Variants in TNFAIP8L3 observed in about 807,000 individuals in gnomAD.
TNFAIP8L3 encodes tumor necrosis factor alpha-induced protein 8-like protein 3.
A neutral mutation model predicts 11.8 loss-of-function variants in TNFAIP8L3; 7 were observed. The ratio of observed to expected loss-of-function variants is 0.59; its 90% CI spans 0.34 to 1.11. The LOEUF (loss-of-function observed/expected upper bound fraction) is 1.11, where lower values mean the gene tolerates loss of function less well. Ranked by LOEUF, TNFAIP8L3 falls within the 50% of genes most tolerant of loss-of-function variation. The pLI is 0.03. For missense variants in TNFAIP8L3, 219 were observed against 258.6 expected (o/e 0.85, Z 1.05); for synonymous variants, 98 against 103.8 (o/e 0.94, Z 0.34).
rs566824504 is a variant in TNFAIP8L3, at chr15:51,062,906, A to G, written c.53-4463T>C. On this transcript the variant is annotated intron_variant, in intron 1 of 1. Transcript: ENST00000637513. Reference sequence around the variant, plus strand: ...AATTTGTAGACATGATTAAGTTGAGAGTGAAAGAGGGAAGTGGGAGAGTGA... The same window carrying G: ...AATTTGTAGACATGATTAAGTTGAGGGTGAAAGAGGGAAGTGGGAGAGTGA... Among the ~76,000 whole-genome samples the G allele has an allele frequency of 3.9e-5, 6 of 152,234 alleles. No homozygotes were observed. The South Asian group carries it at 1.2e-3, about 32-fold the overall frequency.
At position 51,057,957 on chromosome 15, in the gene TNFAIP8L3, AG is replaced by A; in HGVS notation, c.538del (p.Leu180TrpfsTer20). 6.2e-7 allele frequency: 1 copy of A among 1,613,924 alleles called. No homozygotes were observed. Among genetic ancestry groups the A allele is most frequent in the Non-Finnish European group, 8.5e-7 (1 of 1,179,938 alleles). ...DVEFLSTLYS[L>X]DGDCRPNLKR... is the part of the protein sequence containing the mutation. ...GAGGTTGGGCCTACAGTCTCCATCC[AG>A]ACTATAGAGGGTGGAGAGGAACTCC... On this transcript the variant is annotated frameshift_variant, in exon 2 of 2. Transcript: ENST00000637513. LOFTEE classifies it high-confidence loss of function.
At chr15:51,065,663 GGT>G (rs980768440) in intron 1 of TNFAIP8L3, among the ~76,000 whole-genome samples, 2 of 152,212 alleles carry the variant, frequency 1.3e-5, no homozygotes, top group Non-Finnish European at 2.9e-5. Context: ...GAGTGGACAG[GGT>G]GAGGGGACAG....
chr15:51,098,757 A>G (rs559418889), upstream of TNFAIP8L3, among the ~76,000 whole-genome samples: 1 of 152,232 alleles, frequency 6.6e-6, no homozygotes, highest in African/African-American at 2.4e-5. Flanking sequence ...GTGTGTGTAC[A>G]GTATTCTGCT....
At chr15:51,096,771 A>G (rs1268613465), upstream of TNFAIP8L3, among the ~76,000 whole-genome samples, 1 of 151,890 alleles carries the variant, frequency 6.6e-6, no homozygotes, top group African/African-American at 2.4e-5. Flanking sequence ...CATGCCTGTA[A>G]TCACTGCTAC....
intron 1 of TNFAIP8L3, among the ~76,000 whole-genome samples, chr15:51,100,055 G>A (rs1449969720): frequency 1.3e-5 from 2 of 152,222 alleles, no homozygotes; most frequent in Non-Finnish European, 2.9e-5. Flanking sequence ...TCCTTACCAT[G>A]TCCTGCTAAA....
At chr15:51,068,660 G>GTTTTTTTTTTTTTTT (rs113982459) in intron 1 of TNFAIP8L3, among the ~76,000 whole-genome samples, 1 of 116,342 alleles carries the variant, frequency 8.6e-6, no homozygotes, top group African/African-American at 3.2e-5. Context: ...CACCCCTCCT[G>GTTTTTTTTTTTTTTT]TTTTTTTTTT....
intron 1 of TNFAIP8L3, among the ~76,000 whole-genome samples, chr15:51,062,277 A>AAAAATAAAATAAAAT (rs145219063): frequency 2.3e-4 from 34 of 149,518 alleles, no homozygotes; most frequent in Middle Eastern, 3.4e-3. Context: ...CTGTCTCAAT[A>AAAAATAAAATAAAAT]AAAATAAAAT....
chr15:51,102,498 A>T (rs2065561435), intron 1 of TNFAIP8L3, among the ~76,000 whole-genome samples: 1 of 152,184 alleles, frequency 6.6e-6, no homozygotes, highest in Admixed American at 6.5e-5. Flanking sequence ...AAAGCTAAAT[A>T]CATGTTCCAA....
intron 1 of TNFAIP8L3, among the ~76,000 whole-genome samples, chr15:51,093,661 C>A (rs1358274604): frequency 6.6e-6 from 1 of 152,106 alleles, no homozygotes; most frequent in Non-Finnish European, 1.5e-5. Flanking sequence ...CAGAGCTGCA[C>A]AAGCGCCGGG....
chr15:51,071,129 T>A (rs978579404), intron 1 of TNFAIP8L3, among the ~76,000 whole-genome samples: 1 of 150,852 alleles, frequency 6.6e-6, no homozygotes, highest in African/African-American at 2.4e-5. Context: ...GATAAAAATA[T>A]GTAATGCCTA....
At chr15:51,062,893 T>A (rs2065249574) in intron 1 of TNFAIP8L3, among the ~76,000 whole-genome samples, 1 of 152,134 alleles carries the variant, frequency 6.6e-6, no homozygotes, top group Middle Eastern at 3.4e-3. Context: ...TTTGTAGACA[T>A]GATTAAGTTG....
intron 1 of TNFAIP8L3, among the ~76,000 whole-genome samples, chr15:51,067,376 C>T (rs967704634): frequency 3.3e-5 from 5 of 152,190 alleles, no homozygotes; most frequent in African/African-American, 9.6e-5. Flanking sequence ...CAAATTTCCA[C>T]CACCTGCCAC....
intron 1 of TNFAIP8L3, among the ~76,000 whole-genome samples, chr15:51,087,224 C>T (rs955189045): frequency 8.5e-5 from 13 of 152,234 alleles, no homozygotes; most frequent in Admixed American, 2.6e-4. Context: ...CCAGCCTTCC[C>T]ACCCTCACTT....
At chr15:51,105,136 G>T in exon 1 of TNFAIP8L3, 1 of 1,614,124 alleles carries the variant, frequency 6.2e-7, no homozygotes, top group Non-Finnish European at 8.5e-7. Flanking sequence ...CTCACAGAGT[G>T]TGGAAACCAG....
At chr15:51,092,482 T>A (rs766887518) in intron 1 of TNFAIP8L3, among the ~76,000 whole-genome samples, 2 of 152,224 alleles carry the variant, frequency 1.3e-5, no homozygotes, top group Non-Finnish European at 1.5e-5. Flanking sequence ...TACTTTAAGA[T>A]GGAATATAAT....
rs1001348202 is a variant in TNFAIP8L3, at chr15:51,094,698, G to A, written c.-103C>T. ...CGGACAGCGGGGCGGCTGGAGCCCG[G>A]GCGGCGCGGGCGGCGCGGGCTGGGC... On this transcript the variant is annotated 5_prime_UTR_variant, in exon 1 of 2. Transcript: ENST00000637513. This position sits in a 1 kb window ranked among gnomAD's most constrained non-coding sequence, Gnocchi z 4.4. 1.9e-4 allele frequency: 116 copies of A among 597,374 alleles called. No individual in the cohort carries two copies. Among genetic ancestry groups the A allele is most frequent in the Non-Finnish European group, 2.1e-4 (103 of 487,334 alleles). 37.0% of individuals were successfully genotyped at this position (597,374 alleles called of 1,614,324 possible).
upstream of TNFAIP8L3, among the ~76,000 whole-genome samples, chr15:51,097,863 A>G (rs35871557): frequency 0.21 from 30,236 of 147,410 alleles, 3,423 homozygotes; most frequent in East Asian, 0.44. Context: ...GTGGGGGGGG[A>G]AAAACTCTTA....
At chr15:51,091,035 G>C (rs1223809578) in intron 1 of TNFAIP8L3, among the ~76,000 whole-genome samples, 1 of 152,206 alleles carries the variant, frequency 6.6e-6, no homozygotes, top group Non-Finnish European at 1.5e-5. Context: ...AGAGATGGAT[G>C]GTGGGTTTGC....
At chr15:51,099,180 G>C (rs2065533181), upstream of TNFAIP8L3, among the ~76,000 whole-genome samples, 2 of 152,204 alleles carry the variant, frequency 1.3e-5, no homozygotes, top group South Asian at 4.1e-4. Context: ...AGCATCAGTT[G>C]AGCCCAGAGG....
Sources: gnomAD v4.1 joint callset for allele counts (sites outside exome capture counted in the v4.1 genomes callset) on GRCh38, gnomAD v4.1.1 for gene constraint, Gnocchi (gnomAD v3.1) non-coding constraint, MANE v1.5 for transcripts, NCBI Gene and HGNC (gene_info 2026-07-23, HGNC 2026-07-21) for gene names.